EBF2: variants seen among roughly 807,000 people sequenced by gnomAD.
The protein encoded by EBF2 is transcription factor COE2.
A neutral mutation model predicts 72.8 loss-of-function variants in EBF2; 21 were observed. The observed-to-expected ratio is 0.29, with a 90% CI of 0.20 to 0.42. The LOEUF (loss-of-function observed/expected upper bound fraction) is 0.42, where lower values mean the gene tolerates loss of function less well. EBF2 is among the 10% of genes least tolerant of loss of function. The probability of loss-of-function intolerance (pLI) is 1.00; values close to 1 mark genes in which losing one functional copy is unlikely to be tolerated. For synonymous variants in EBF2, 299 were observed against 274.2 expected, an observed-to-expected ratio of 1.09 and a Z score of -0.89; for missense variants, 637 against 731.2, an observed-to-expected ratio of 0.87 and a Z score of 1.49.
At chr8:25,882,135 G>A (rs1033664296) in intron 10 of EBF2, among the ~76,000 whole-genome samples, 1 of 152,064 alleles carries the variant, frequency 6.6e-6, no homozygotes, top group Non-Finnish European at 1.5e-5. Context: ...AACTAAAAGA[G>A]CACCTGTAAC....
At chr8:25,999,795 C>T (rs1357140408) in intron 6 of EBF2, among the ~76,000 whole-genome samples, 7 of 152,130 alleles carry the variant, frequency 4.6e-5, no homozygotes, top group Non-Finnish European at 8.8e-5. Flanking sequence ...TCTACCATCA[C>T]ATTTCTGCAG....
At chr8:25,916,629 GAGAT>G (rs773853501) in intron 6 of EBF2, among the ~76,000 whole-genome samples, 61 of 151,822 alleles carry the variant, frequency 4.0e-4, no homozygotes, top group Non-Finnish European at 7.7e-4. Context: ...TTTTAAGAGA[GAGAT>G]AGTAAAAGAA....
intron 10 of EBF2, among the ~76,000 whole-genome samples, chr8:25,876,621 C>A (rs1256871199): frequency 6.6e-6 from 1 of 152,118 alleles, no homozygotes; most frequent in South Asian, 2.1e-4. Flanking sequence ...AGAGCCAAGG[C>A]ATCATCTGCC....
At chr8:25,848,503 C>G (rs62500477) in intron 15 of EBF2, among the ~76,000 whole-genome samples, 6 of 152,018 alleles carry the variant, frequency 3.9e-5, no homozygotes, top group Admixed American at 3.9e-4. Flanking sequence ...AGTAACAGCA[C>G]GGGAGTCTTG....
At chr8:25,866,414 T>C (rs1802316832) in intron 10 of EBF2, among the ~76,000 whole-genome samples, 1 of 145,338 alleles carries the variant, frequency 6.9e-6, no homozygotes, top group East Asian at 2.0e-4. Flanking sequence ...GAATTTTCTC[T>C]TTTGGCCAGA....
At chr8:26,008,820 AC>A (rs1804926596) in intron 6 of EBF2, among the ~76,000 whole-genome samples, 1 of 129,756 alleles carries the variant, frequency 7.7e-6, no homozygotes, top group Non-Finnish European at 1.6e-5. Context: ...AACTACTCTT[AC>A]CCCTATTTAT....
chr8:25,870,339 C>G (rs1391926156), intron 10 of EBF2, among the ~76,000 whole-genome samples: 1 of 151,970 alleles, frequency 6.6e-6, no homozygotes, highest in African/African-American at 2.4e-5. Flanking sequence ...GGTACACTCA[C>G]AACGTGCTAA....
At chr8:25,962,443 A>G (rs1018509692) in intron 6 of EBF2, among the ~76,000 whole-genome samples, 3 of 152,088 alleles carry the variant, frequency 2.0e-5, no homozygotes, top group Admixed American at 2.0e-4. Flanking sequence ...ACTTCCAACT[A>G]TTATCCAGAC....
At chr8:25,973,213 G>C (rs1329996835) in intron 6 of EBF2, among the ~76,000 whole-genome samples, 1 of 151,868 alleles carries the variant, frequency 6.6e-6, no homozygotes, top group Non-Finnish European at 1.5e-5. Context: ...TATGAACTTG[G>C]GCAGACTTAA....
At position 26,039,763 on chromosome 8, in the gene EBF2, A is replaced by C. The variant is rs530829711; in HGVS notation, c.482+265T>G. Among the ~76,000 whole-genome samples the C allele has an allele frequency of 2.0e-3, 304 of 152,354 alleles. 1 individual carries two copies. Among genetic ancestry groups the C allele is most frequent in the African/African-American group, 7.1e-3 (295 of 41,594 alleles). On this transcript the variant is annotated intron_variant, in intron 5 of 15. Coordinates refer to ENST00000520164, the MANE Select transcript of EBF2 (RefSeq NM_022659.4). ...CCACCACTACCACTGACAAGGGCAC[A>C]GTGGAGACTTTCCACGTAGCCGGAG...
chr8:25,941,148 C>T (rs1251598499), intron 6 of EBF2, among the ~76,000 whole-genome samples: 1 of 151,698 alleles, frequency 6.6e-6, no homozygotes, highest in Non-Finnish European at 1.5e-5. Context: ...GTAGTGGCTA[C>T]TCCTCTGCAG....
At chr8:25,911,552 G>C (rs1342691296) in intron 6 of EBF2, among the ~76,000 whole-genome samples, 2 of 152,172 alleles carry the variant, frequency 1.3e-5, no homozygotes, top group African/African-American at 4.8e-5. Flanking sequence ...CCAAGGGTTA[G>C]CCTTGACCTG....
intron 9 of EBF2, 58 bp from the exon 10 acceptor site, chr8:25,886,939 C>T (rs11135900): frequency 0.027 from 43,372 of 1,582,306 alleles, 1,405 homozygotes; most frequent in Admixed American, 0.16. Flanking sequence ...TCACCAAGGA[C>T]ATAAGGTGTA....
intron 10 of EBF2, among the ~76,000 whole-genome samples, chr8:25,872,772 T>C (rs1485941884): frequency 6.6e-6 from 1 of 152,150 alleles, no homozygotes; most frequent in Admixed American, 6.5e-5. Flanking sequence ...AGACAGACAC[T>C]GACTGGCAAT....
At chr8:25,902,279 C>T (rs969338451) in intron 7 of EBF2, among the ~76,000 whole-genome samples, 1 of 152,054 alleles carries the variant, frequency 6.6e-6, no homozygotes, top group African/African-American at 2.4e-5. Flanking sequence ...TTCATTATGT[C>T]TTAACAGGCC....
chr8:26,012,198 G>C (rs1471089841), intron 6 of EBF2, among the ~76,000 whole-genome samples: 1 of 152,128 alleles, frequency 6.6e-6, no homozygotes, highest in Non-Finnish European at 1.5e-5. Context: ...CCAAAGGTGG[G>C]TTGGGGGAGA....
At chr8:25,984,936 GAAAA>G (rs35911115) in intron 6 of EBF2, among the ~76,000 whole-genome samples, 2,534 of 144,116 alleles carry the variant, frequency 0.018, 85 homozygotes, top group African/African-American at 0.063. Flanking sequence ...CTCAGCTTCT[GAAAA>G]AAAAAAAAAA....
Position 25,862,774 on chromosome 8 carries a change from A to C in EBF2, c.1033T>G (p.Tyr345Asp). The C allele has an allele frequency of 6.2e-7, 1 of 1,602,690 alleles. No homozygotes were observed. The change falls in exon 11 of 16, where the codon TAT (tyrosine) becomes GAT (aspartate). Residue 345 changes from tyrosine to aspartate, a missense_variant. Physicochemically the swap from Tyr to Asp is radical, Grantham distance 160 (BLOSUM62 -3). Transcript: ENST00000520164. Reference protein sequence around the residue: ...YTALNEPTIDYGFQRLQKVIP... With the variant: ...YTALNEPTIDDGFQRLQKVIP... ...ACCTTCTGCAGTCTCTGGAAGCCAT[A>C]GTCTATGGTGGGTTCATTTAATGCT...
intron 15 of EBF2, among the ~76,000 whole-genome samples, chr8:25,846,865 G>A (rs148569164): frequency 1.3e-4 from 20 of 152,252 alleles, no homozygotes; most frequent in African/African-American, 4.1e-4. Context: ...CCTGATCTCT[G>A]CTAGGTGGAA....
Sources: gnomAD v4.1 joint callset for allele counts (sites outside exome capture counted in the v4.1 genomes callset) on GRCh38, gnomAD v4.1.1 for gene constraint, MANE v1.5 for transcripts, NCBI Gene and HGNC (gene_info 2026-07-23, HGNC 2026-07-21) for gene names.